Variants in LRRC7 observed in about 807,000 individuals in gnomAD.
LRRC7 encodes the protein leucine-rich repeat-containing protein 7.
LRRC7 carries 23 observed loss-of-function variants against 175.7 expected under a neutral mutation model. The observed-to-expected ratio is 0.13, with a 90% CI of 0.09 to 0.19. LRRC7 has a LOEUF of 0.19. LRRC7 is among the 10% of genes least tolerant of loss of function. The probability of loss-of-function intolerance (pLI) is 1.00; values close to 1 mark genes in which losing one functional copy is unlikely to be tolerated. For missense variants in LRRC7, 1,354 were observed against 1,904.7 expected (o/e 0.71, Z 5.38); for synonymous variants, 685 against 680.9 (o/e 1.01, Z -0.09).
chr1:69,609,027 G>GA (rs896346623), intron 1 of LRRC7, among the ~76,000 whole-genome samples: 2 of 150,240 alleles, frequency 1.3e-5, no homozygotes, highest in African/African-American at 2.4e-5. Context: ...TTTCTCCATG[G>GA]AAAAAAAATG....
Position 70,006,334 on chromosome 1 carries a change from C to T in LRRC7, c.1005-5463C>T, listed in dbSNP as rs548797053. 2.0e-4 allele frequency among the ~76,000 whole-genome samples: 30 copies of T among 151,834 alleles called. No homozygotes were observed. In the South Asian group the frequency reaches 5.8e-3, roughly 29 times the overall value. Reference sequence around the variant, plus strand: ...GCGGGACTGTATAGAAATCACCAAACAATTGTGGGCGCCTGTATTCCCAGC... The same window carrying T: ...GCGGGACTGTATAGAAATCACCAAATAATTGTGGGCGCCTGTATTCCCAGC... On this transcript the variant is annotated intron_variant, in intron 11 of 26. Coordinates refer to ENST00000651989, the MANE Select transcript of LRRC7 (RefSeq NM_001370785.2).
In LRRC7 at chr1:70,038,629, T is replaced by C; in HGVS notation, c.2805T>C (p.His935=). The C allele has an allele frequency of 6.2e-7, 1 of 1,614,134 alleles. No homozygotes were observed. Among genetic ancestry groups the C allele is most frequent in the Non-Finnish European group, 8.5e-7 (1 of 1,180,010 alleles). ...PFSPGVPWEY[H]DSNPNRSLSN... ...CTCCAGGCGTACCATGGGAGTATCA[T>C]GATTCCAATCCCAACAGGAGTCTTA... is the stretch of plus-strand genomic sequence containing the variant. The change falls in exon 21 of 27, where the codon CAT becomes CAC. Residue 935 remains histidine, a synonymous_variant. Coordinates refer to ENST00000651989, the MANE Select transcript of LRRC7 (RefSeq NM_001370785.2).
intron 1 of LRRC7, among the ~76,000 whole-genome samples, chr1:69,579,409 A>T (rs571914380): frequency 1.3e-4 from 20 of 152,166 alleles, no homozygotes; most frequent in Non-Finnish European, 2.9e-4. Context: ...GATTTGTGTG[A>T]TCACACAAAG....
At chr1:69,577,011 G>A (rs1645979966) in intron 1 of LRRC7, among the ~76,000 whole-genome samples, 1 of 151,388 alleles carries the variant, frequency 6.6e-6, no homozygotes, top group Admixed American at 6.6e-5. Flanking sequence ...GACGTTTTTT[G>A]TTTGTTTACT....
chr1:69,584,216 A>C (rs907371987), intron 1 of LRRC7, among the ~76,000 whole-genome samples: 3 of 152,114 alleles, frequency 2.0e-5, no homozygotes, highest in African/African-American at 7.2e-5. Flanking sequence ...TATTTCCTTA[A>C]AATTTATTTC....
At position 69,588,477 on chromosome 1, in the gene LRRC7, T is replaced by C. The variant is rs1646491516; in HGVS notation, c.2+19836T>C. Among the ~76,000 whole-genome samples, 4 of 152,142 alleles carry C rather than the reference T, an allele frequency of 2.6e-5. No individual in the cohort carries two copies. In the South Asian group the frequency reaches 8.3e-4, roughly 32 times the overall value. Reference sequence around the variant, plus strand: ...ATTATATGAAATAATATATTAAGCATGTAGTTTTGTAAATTGAATAGATAA... The same window carrying C: ...ATTATATGAAATAATATATTAAGCACGTAGTTTTGTAAATTGAATAGATAA... On this transcript the variant is annotated intron_variant, in intron 1 of 26. Coordinates refer to ENST00000651989, the MANE Select transcript of LRRC7 (RefSeq NM_001370785.2).
intron 1 of LRRC7, among the ~76,000 whole-genome samples, chr1:69,673,605 T>C (rs1031131345): frequency 2.6e-5 from 4 of 152,190 alleles, no homozygotes; most frequent in Non-Finnish European, 5.9e-5. Flanking sequence ...CTGTAGATCA[T>C]AGATAATGGT....
intron 3 of LRRC7, among the ~76,000 whole-genome samples, chr1:69,770,387 C>G (rs1321385932): frequency 6.6e-6 from 1 of 152,048 alleles, no homozygotes; most frequent in Non-Finnish European, 1.5e-5. Flanking sequence ...AAAACAAGGA[C>G]ACTTATTTAT....
chr1:69,653,734 C>T (rs190974149), intron 1 of LRRC7, among the ~76,000 whole-genome samples: 2 of 152,022 alleles, frequency 1.3e-5, no homozygotes, highest in Admixed American at 6.6e-5. Flanking sequence ...TCACAATAGC[C>T]GGGAAGTGAC....
intron 1 of LRRC7, among the ~76,000 whole-genome samples, chr1:69,576,009 ATTGT>A (rs1190686568): frequency 4.6e-5 from 7 of 151,244 alleles, no homozygotes; most frequent in African/African-American, 7.3e-5. Context: ...AGGTGGGGTG[ATTGT>A]TTGAGTTCAG....
chr1:69,973,677 G>A (rs1156298780), intron 8 of LRRC7, among the ~76,000 whole-genome samples: 3 of 152,116 alleles, frequency 2.0e-5, no homozygotes, highest in Non-Finnish European at 2.9e-5. Context: ...TCACTGCCTC[G>A]TAGGTTCAAG....
At chr1:69,960,273 G>T (rs1473703542) in intron 8 of LRRC7, among the ~76,000 whole-genome samples, 1 of 152,124 alleles carries the variant, frequency 6.6e-6, no homozygotes, top group African/African-American at 2.4e-5. Context: ...TATGTGCTTA[G>T]AGATGTTTAT....
At chr1:69,925,410 G>T (rs1647034683) in intron 7 of LRRC7, among the ~76,000 whole-genome samples, 1 of 152,120 alleles carries the variant, frequency 6.6e-6, no homozygotes, top group African/African-American at 2.4e-5. Context: ...GTAGAATTCG[G>T]CTGTGAATCC....
intron 7 of LRRC7, among the ~76,000 whole-genome samples, chr1:69,886,987 G>A (rs373221082): frequency 0.013 from 2,021 of 151,810 alleles, 24 homozygotes; most frequent in Non-Finnish European, 0.019. Context: ...CGAGAGATCC[G>A]CTGTTAGTCT....
rs180793872 is a variant in LRRC7 at position 69,796,238 on chromosome 1, A to G, written c.421+4078A>G. 5.4e-3 allele frequency among the ~76,000 whole-genome samples: 814 copies of G among 150,110 alleles called. 6 individuals are homozygous for G. The highest frequency in any genetic ancestry group is 0.01 in the Middle Eastern group (3 of 290). ...GTAGTGTTTGGTTTTTTGTCCTTGC[A>G]ATAGTTTGCTGAGAATGATGGTTTC... On this transcript the variant is annotated intron_variant, in intron 4 of 26. Coordinates refer to ENST00000651989, the MANE Select transcript of LRRC7 (RefSeq NM_001370785.2).
chr1:70,083,332 A>G (rs1663365208), intron 24 of LRRC7, among the ~76,000 whole-genome samples: 1 of 152,212 alleles, frequency 6.6e-6, no homozygotes, highest in African/African-American at 2.4e-5. Context: ...AGTAATGTAC[A>G]TAATGTAAGT....
intron 4 of LRRC7, among the ~76,000 whole-genome samples, chr1:69,800,335 T>C (rs772036602): frequency 1.1e-4 from 17 of 152,024 alleles, no homozygotes; most frequent in Admixed American, 3.3e-4. Context: ...CTTTGGTCAG[T>C]ATGGTCATTT....
chr1:69,784,261 A>G (rs1674139733), intron 3 of LRRC7, among the ~76,000 whole-genome samples: 1 of 152,216 alleles, frequency 6.6e-6, no homozygotes, highest in Non-Finnish European at 1.5e-5. Context: ...AGTAAAATAA[A>G]ATTCAAGAAA....
intron 2 of LRRC7, among the ~76,000 whole-genome samples, chr1:69,734,183 A>C (rs1225467493): frequency 6.6e-6 from 1 of 151,994 alleles, no homozygotes; most frequent in Admixed American, 6.6e-5. Context: ...AAATTAAAAA[A>C]TACACAAAGT....
Sources: allele counts gnomAD v4.1 joint callset (sites outside exome capture counted in the v4.1 genomes callset), GRCh38; gene constraint gnomAD v4.1.1; transcripts MANE v1.5; gene names NCBI Gene and HGNC (gene_info 2026-07-23, HGNC 2026-07-21).